Variants in IL1RAPL2 observed in about 807,000 individuals in gnomAD.
The protein encoded by IL1RAPL2 is interleukin 1 receptor accessory protein like 2.
In IL1RAPL2, 3 loss-of-function variants were observed where a neutral mutation model predicts 44.1. That is an observed-to-expected ratio of 0.07 (90% CI 0.03 to 0.18). IL1RAPL2 has a LOEUF of 0.18. Among genes scored for constraint, IL1RAPL2 ranks in the 10% least tolerant of loss-of-function variants. The probability of loss-of-function intolerance (pLI) is 1.00; values close to 1 mark genes in which losing one functional copy is unlikely to be tolerated. For missense variants in IL1RAPL2, 391 were observed against 496.4 expected (o/e 0.79, Z 2.02); for synonymous variants, 181 against 178.8 (o/e 1.01, Z -0.10).
intron 2 of IL1RAPL2, among the ~76,000 whole-genome samples, chrX:105,180,858 G>C (rs1274213499): frequency 3.6e-5 from 4 of 112,165 alleles, no homozygotes; most frequent in African/African-American, 1.3e-4. Flanking sequence ...AATGAGTTAG[G>C]GAGAATTCCA....
At chrX:104,729,970 T>A (rs1246528324) in intron 2 of IL1RAPL2, among the ~76,000 whole-genome samples, 1 of 110,745 alleles carries the variant, frequency 9.0e-6, no homozygotes, top group South Asian at 3.8e-4. Flanking sequence ...AAGAGATGGA[T>A]GAGAAATATC....
chrX:104,594,274 G>A (rs919259578), intron 1 of IL1RAPL2, among the ~76,000 whole-genome samples: 1 of 112,294 alleles, frequency 8.9e-6, no homozygotes, highest in African/African-American at 3.2e-5. Context: ...GGTTACATTG[G>A]AAACTCCCAT....
chrX:105,332,814 T>C (rs143840093), intron 5 of IL1RAPL2, among the ~76,000 whole-genome samples: 1 of 111,333 alleles, frequency 9.0e-6, no homozygotes, highest in African/African-American at 3.3e-5. Context: ...ACCAAATAAG[T>C]AGAAGTTCTC....
intron 2 of IL1RAPL2, among the ~76,000 whole-genome samples, chrX:104,892,064 C>T (rs751711877): frequency 9.1e-4 from 101 of 111,319 alleles, no homozygotes; most frequent in Non-Finnish European, 7.2e-4. Context: ...ATGTGGTTTT[C>T]GTCTTTGGTT....
At chrX:104,682,093 G>C (rs1930898704) in intron 2 of IL1RAPL2, among the ~76,000 whole-genome samples, 1 of 112,147 alleles carries the variant, frequency 8.9e-6, no homozygotes, top group South Asian at 3.7e-4. Flanking sequence ...CTCCAGTTTG[G>C]ACCTAACCTT....
intron 1 of IL1RAPL2, among the ~76,000 whole-genome samples, chrX:104,631,015 T>A (rs766870571): frequency 1.8e-5 from 2 of 110,218 alleles, no homozygotes; most frequent in Non-Finnish European, 3.8e-5. Context: ...CAGGCCCCAG[T>A]GTGTGATGTT....
intron 2 of IL1RAPL2, among the ~76,000 whole-genome samples, chrX:105,001,321 GTAGTATTCAGAGGAGTATATC>G (rs1261416197): frequency 9.0e-6 from 1 of 111,231 alleles, no homozygotes; most frequent in African/African-American, 3.3e-5. Context: ...CAGAATACCT[GTAGTATTCAGAGGAGTATATC>G]TAGTCTCCAG....
chrX:105,493,003 A>G (rs72616901), intron 6 of IL1RAPL2, among the ~76,000 whole-genome samples: 2,119 of 111,476 alleles, frequency 0.019, 36 homozygotes, highest in South Asian at 0.18. Context: ...CCTATTCTGG[A>G]TATTTAATAT....
chrX:105,558,528 C>G (rs141034092), intron 6 of IL1RAPL2, among the ~76,000 whole-genome samples: 8,760 of 111,192 alleles, frequency 0.079, 343 homozygotes, highest in Admixed American at 0.17. Flanking sequence ...AAGGCAAGGA[C>G]CAACTTGGTT....
chrX:105,095,805 A>G (rs767328999), intron 2 of IL1RAPL2, among the ~76,000 whole-genome samples: 1 of 112,148 alleles, frequency 8.9e-6, no homozygotes, highest in Non-Finnish European at 1.9e-5. Context: ...TAAATATGAC[A>G]TCTAAAACAC....
At chrX:105,306,224 C>T (rs7061949) in intron 5 of IL1RAPL2, among the ~76,000 whole-genome samples, 4,042 of 111,100 alleles carry the variant, frequency 0.036, 202 homozygotes, top group African/African-American at 0.12. Flanking sequence ...ACATATACTA[C>T]ATAATGTGTA....
intron 6 of IL1RAPL2, among the ~76,000 whole-genome samples, chrX:105,656,162 CATGAGTTCG>C (rs2037675911): frequency 9.0e-6 from 1 of 111,641 alleles, no homozygotes; most frequent in African/African-American, 3.3e-5. Flanking sequence ...TCTCTATGTC[CATGAGTTCG>C]ATTGTTTTAG....
chrX:104,918,906 T>C (rs897621947), intron 2 of IL1RAPL2, among the ~76,000 whole-genome samples: 2 of 111,617 alleles, frequency 1.8e-5, no homozygotes, highest in African/African-American at 6.5e-5. Flanking sequence ...ATGGAGCTCC[T>C]CTGTGGTCCC....
chrX:104,912,048 A>G (rs903273318), intron 2 of IL1RAPL2, among the ~76,000 whole-genome samples: 1 of 111,496 alleles, frequency 9.0e-6, no homozygotes, highest in Non-Finnish European at 1.9e-5. Flanking sequence ...TTTGCTTCAT[A>G]GTGCTTATCA....
chrX:105,587,759 C>A (rs765597666), intron 6 of IL1RAPL2, among the ~76,000 whole-genome samples: 22 of 111,959 alleles, frequency 2.0e-4, no homozygotes, highest in African/African-American at 7.1e-4. Flanking sequence ...AATTTCCAGG[C>A]CAGACGTGGA....
chrX:104,858,770 G>A (rs1462865476), intron 2 of IL1RAPL2, among the ~76,000 whole-genome samples: 1 of 111,733 alleles, frequency 8.9e-6, no homozygotes, highest in Non-Finnish European at 1.9e-5. Flanking sequence ...AGGATAATAT[G>A]AATGAAGTGG....
At chrX:105,264,340 T>C (rs767125644) in intron 4 of IL1RAPL2, among the ~76,000 whole-genome samples, 2 of 111,635 alleles carry the variant, frequency 1.8e-5, no homozygotes, top group African/African-American at 6.5e-5. Flanking sequence ...AAGCCTCTTT[T>C]CTTTATTAAT....
intron 2 of IL1RAPL2, among the ~76,000 whole-genome samples, chrX:105,074,409 T>G (rs1344767269): frequency 8.9e-6 from 1 of 111,734 alleles, no homozygotes; most frequent in Non-Finnish European, 1.9e-5. Flanking sequence ...ATATCTCTGT[T>G]TTGGTACCAG....
intron 5 of IL1RAPL2, among the ~76,000 whole-genome samples, chrX:105,356,872 T>A: frequency 8.9e-6 from 1 of 112,074 alleles, no homozygotes; most frequent in South Asian, 3.7e-4. Context: ...CAAACCTTGG[T>A]AATGGATTGA....
Sources: gnomAD v4.1 joint callset for allele counts (sites outside exome capture counted in the v4.1 genomes callset) on GRCh38, gnomAD v4.1.1 for gene constraint, MANE v1.5 for transcripts, NCBI Gene and HGNC (gene_info 2026-07-23, HGNC 2026-07-21) for gene names.